LRIG1: variants seen among roughly 807,000 people sequenced by gnomAD.
LRIG1 encodes leucine rich repeats and immunoglobulin like domains 1.
A neutral mutation model predicts 99.2 loss-of-function variants in LRIG1; 48 were observed. The ratio of observed to expected loss-of-function variants is 0.48; its 90% confidence interval spans 0.38 to 0.62. The LOEUF (loss-of-function observed/expected upper bound fraction) is 0.62, where lower values mean the gene tolerates loss of function less well. Ranked by LOEUF, LRIG1 falls within the 20% of genes least tolerant of loss-of-function variation. The pLI is 0.00. For synonymous variants in LRIG1, 772 were observed against 596.1 expected, an observed-to-expected ratio of 1.29 and a Z score of -4.30; for missense variants, 1,646 against 1,434.4, an observed-to-expected ratio of 1.15 and a Z score of -2.38.
In LRIG1 at chr3:66,386,081, G is replaced by A. The variant is rs746055598; in HGVS notation, c.1689C>T (p.His563=). 2.5e-6 allele frequency: 4 copies of A among 1,614,054 alleles called. No individual in the cohort carries two copies. In the African/African-American group the frequency reaches 4.0e-5, roughly 16 times the overall value. ...GEVMEYTTIL[H]LRQVTFGHEG... ...CGTGCCCGAAAGTGACCTGACGGAGGTGCAGGATGGTGGTGTACTCCATCA... is the reference window on the plus strand; with the variant it reads ...CGTGCCCGAAAGTGACCTGACGGAGATGCAGGATGGTGGTGTACTCCATCA... Residue 563 remains histidine (H), a synonymous_variant, in exon 13 of 19, where the codon CAC becomes CAT. Coordinates refer to ENST00000273261, the MANE Select transcript of LRIG1 (RefSeq NM_015541.3).
intron 1 of LRIG1, among the ~76,000 whole-genome samples, chr3:66,483,020 G>C (rs754481294): frequency 5.3e-5 from 8 of 152,026 alleles, no homozygotes; most frequent in Non-Finnish European, 1.0e-4. Flanking sequence ...AAGTAATAAA[G>C]ACATAGTAAC....
intron 7 of LRIG1, among the ~76,000 whole-genome samples, chr3:66,408,534 G>A (rs566210133): frequency 2.6e-5 from 4 of 152,196 alleles, no homozygotes; most frequent in African/African-American, 9.7e-5. Flanking sequence ...CCACCAGCTA[G>A]AGAGGGGATC....
At chr3:66,405,093 C>T (rs759081551) in intron 9 of LRIG1, 105 bp downstream of exon 9, 9 of 953,766 alleles carry the variant, frequency 9.4e-6, no homozygotes, top group Non-Finnish European at 1.3e-5. Context: ...GCTCCTCTTC[C>T]GCCTGGGCCC....
chr3:66,422,042 C>T (rs772879411), intron 3 of LRIG1, among the ~76,000 whole-genome samples: 2 of 152,242 alleles, frequency 1.3e-5, no homozygotes, highest in African/African-American at 4.8e-5. Flanking sequence ...AGCTGGAACA[C>T]AGGACACCAT....
At chr3:66,388,588 G>C (rs1240735326) in intron 12 of LRIG1, among the ~76,000 whole-genome samples, 1 of 152,034 alleles carries the variant, frequency 6.6e-6, no homozygotes, top group Admixed American at 6.6e-5. Flanking sequence ...CAAAGACAAA[G>C]AATCTTGAAA....
chr3:66,482,449 C>T (rs1223368445), intron 1 of LRIG1, among the ~76,000 whole-genome samples: 3 of 152,150 alleles, frequency 2.0e-5, no homozygotes, highest in Non-Finnish European at 4.4e-5. Flanking sequence ...GCCTCAACAT[C>T]CAAAGAAATG....
chr3:66,410,533 T>G (rs1702431916), intron 6 of LRIG1, among the ~76,000 whole-genome samples: 1 of 152,186 alleles, frequency 6.6e-6, no homozygotes, highest in Non-Finnish European at 1.5e-5. Flanking sequence ...TAGAAGTGAC[T>G]TTTTTGGCTG....
At chr3:66,397,603 T>A (rs1213732475) in intron 11 of LRIG1, among the ~76,000 whole-genome samples, 1 of 152,122 alleles carries the variant, frequency 6.6e-6, no homozygotes. Flanking sequence ...CCACCACCTG[T>A]GAACCGTGCC....
At chr3:66,461,565 G>C (rs1328368543) in intron 2 of LRIG1, among the ~76,000 whole-genome samples, 8 of 152,172 alleles carry the variant, frequency 5.3e-5, no homozygotes, top group African/African-American at 1.9e-4. Context: ...TGTACAGTTT[G>C]ATCCTAAAAT....
chr3:66,447,518 C>G (rs981112032), intron 3 of LRIG1, among the ~76,000 whole-genome samples: 4 of 152,152 alleles, frequency 2.6e-5, no homozygotes, highest in African/African-American at 9.7e-5. Context: ...TTGTGTGCCC[C>G]TAAGTTTTGC....
Position 66,380,178 on chromosome 3 carries a change from A to ACGCTTGAACCCAAGCTTCCT in LRIG1, c.*65_*84dup. On this transcript the variant is annotated 3_prime_UTR_variant, in exon 19 of 19. Coordinates refer to ENST00000273261, the MANE Select transcript of LRIG1 (RefSeq NM_015541.3). ...AGTTACAACTATGTACAGATGAGTGACGCTTGAACCCAAGCTTCCTCGCAG... is the reference window on the plus strand; with the variant it reads ...AGTTACAACTATGTACAGATGAGTGACGCTTGAACCCAAGCTTCCTCGCTTGAACCCAAGCTTCCTCGCAG... 2.8e-6 allele frequency: 3 copies of ACGCTTGAACCCAAGCTTCCT among 1,084,444 alleles called. No homozygotes were observed. Among genetic ancestry groups the ACGCTTGAACCCAAGCTTCCT allele is most frequent in the Admixed American group, 2.4e-5 (1 of 41,492 alleles). 67.2% of individuals were successfully genotyped at this position (1,084,444 alleles called of 1,614,324 possible).
chr3:66,483,764 G>A (rs1700903834), intron 1 of LRIG1, among the ~76,000 whole-genome samples: 1 of 152,218 alleles, frequency 6.6e-6, no homozygotes, highest in Non-Finnish European at 1.5e-5. Context: ...CAGCAAAAGA[G>A]CAGATGAGAG....
chr3:66,412,106 C>T (rs866827917), intron 6 of LRIG1, among the ~76,000 whole-genome samples: 40 of 152,348 alleles, frequency 2.6e-4, no homozygotes, highest in African/African-American at 9.4e-4. Context: ...TTCACGTTAC[C>T]GTGCAGGCAA....
chr3:66,492,261 G>A (rs542363657), intron 1 of LRIG1, among the ~76,000 whole-genome samples: 9 of 152,118 alleles, frequency 5.9e-5, no homozygotes, highest in South Asian at 2.1e-4. Flanking sequence ...TAGGTAATCC[G>A]GAAGAAAAGA....
intron 1 of LRIG1, among the ~76,000 whole-genome samples, chr3:66,463,836 T>C (rs1559812121): frequency 6.6e-6 from 1 of 152,212 alleles, no homozygotes; most frequent in African/African-American, 2.4e-5. Context: ...CTGAGAGCCA[T>C]TTCACTGTGA....
At chr3:66,485,558 C>T (rs184981721) in intron 1 of LRIG1, among the ~76,000 whole-genome samples, 43 of 152,254 alleles carry the variant, frequency 2.8e-4, no homozygotes, top group African/African-American at 9.9e-4. Context: ...ATCATAAAGC[C>T]AACAAATATA....
intron 1 of LRIG1, among the ~76,000 whole-genome samples, chr3:66,499,448 G>A (rs1478292748): frequency 6.6e-6 from 1 of 152,152 alleles, no homozygotes; most frequent in Non-Finnish European, 1.5e-5. Flanking sequence ...CAAGCCCAAT[G>A]GGGCCCCAGG....
chr3:66,477,148 A>G (rs1459395641), intron 1 of LRIG1, among the ~76,000 whole-genome samples: 1 of 152,204 alleles, frequency 6.6e-6, no homozygotes, highest in Non-Finnish European at 1.5e-5. Flanking sequence ...TTAATAATTC[A>G]CAAACCAACT....
chr3:66,427,800 G>A (rs1308034901), intron 3 of LRIG1, among the ~76,000 whole-genome samples: 2 of 152,194 alleles, frequency 1.3e-5, no homozygotes, highest in African/African-American at 2.4e-5. Context: ...TCTCCTGGTT[G>A]TTATTCCTCC....
Sources: allele counts gnomAD v4.1 joint callset (sites outside exome capture counted in the v4.1 genomes callset), GRCh38; gene constraint gnomAD v4.1.1; transcripts MANE v1.5; gene names NCBI Gene and HGNC (gene_info 2026-07-23, HGNC 2026-07-21).